Variants in C12orf75 observed in about 807,000 individuals in gnomAD.
C12orf75 encodes the protein chromosome 12 open reading frame 75.
In C12orf75, 4 loss-of-function variants were observed where a neutral mutation model predicts 11.4. The ratio of observed to expected loss-of-function variants is 0.35; its 90% CI spans 0.17 to 0.80. The LOEUF (loss-of-function observed/expected upper bound fraction) is 0.80. C12orf75 is among the 30% of genes least tolerant of loss of function. The pLI is 0.52. For missense variants in C12orf75, 89 were observed against 80.4 expected, an observed-to-expected ratio of 1.11 and a Z score of -0.41; for synonymous variants, 30 against 30.0, an observed-to-expected ratio of 1.00 and a Z score of 0.00.
At chr12:105,339,720 C>T (rs190432686) in intron 1 of C12orf75, among the ~76,000 whole-genome samples, 1 of 152,062 alleles carries the variant, frequency 6.6e-6, no homozygotes, top group East Asian at 1.9e-4. Context: ...GGGTTCATGC[C>T]TTTTTCCCGC....
chr12:105,365,777 G>A, intron 2 of C12orf75, 30 bp from the exon 3 acceptor site: 2 of 1,514,234 alleles, frequency 1.3e-6, no homozygotes, highest in African/African-American at 1.4e-5. Context: ...GTAACCAAGT[G>A]TCTCATAGCA....
chr12:105,354,473 C>T (rs1183745931), intron 2 of C12orf75, among the ~76,000 whole-genome samples: 1 of 152,140 alleles, frequency 6.6e-6, no homozygotes, highest in African/African-American at 2.4e-5. Context: ...GTGGGGAGCA[C>T]AGAGAGCTGA....
intron 1 of C12orf75, among the ~76,000 whole-genome samples, chr12:105,345,162 G>A (rs1892622664): frequency 6.6e-6 from 1 of 152,088 alleles, no homozygotes; most frequent in East Asian, 1.9e-4. Flanking sequence ...CAGACTCTTT[G>A]TAGCAGTAAG....
chr12:105,354,324 A>G (rs1206902132), intron 2 of C12orf75, among the ~76,000 whole-genome samples: 2 of 152,220 alleles, frequency 1.3e-5, no homozygotes, highest in African/African-American at 4.8e-5. Context: ...CATCATCATC[A>G]TTCTTACAGT....
chr12:105,357,511 C>T (rs774957746), intron 2 of C12orf75, among the ~76,000 whole-genome samples: 3 of 152,090 alleles, frequency 2.0e-5, no homozygotes, highest in Non-Finnish European at 4.4e-5. Flanking sequence ...TCCCAAAAGA[C>T]GTTGAAAGTG....
At position 105,330,908 on chromosome 12, in the gene C12orf75, C is replaced by A; in HGVS notation, c.17C>A (p.Ser6Tyr). Residue 6 changes from serine to tyrosine, a missense_variant, in exon 1 of 6, where the codon TCC becomes TAC. Transcript: ENST00000443585. Reference sequence around the variant, plus strand: ...GGCTGCGCGATGGGCTGCGGGAACTCCACCGCCACCAGCGCGGGCGCGGGC... The same window carrying A: ...GGCTGCGCGATGGGCTGCGGGAACTACACCGCCACCAGCGCGGGCGCGGGC... MGCGN[S>Y]TATSAGAGQG... is the part of the protein sequence containing the mutation. 1 of 1,242,570 alleles carries A rather than the reference C, an allele frequency of 8.0e-7. No individual in the cohort carries two copies. Among genetic ancestry groups the A allele is most frequent in the Non-Finnish European group, 1.0e-6 (1 of 995,650 alleles). The allele number at this position is 1,242,570 out of a possible 1,614,324, so 77.0% of individuals were successfully genotyped here. A position where few individuals can be genotyped will look rare whatever the true frequency, so the allele number is the denominator to read the frequency against.
intron 5 of C12orf75, among the ~76,000 whole-genome samples, chr12:105,369,338 T>A (rs1351879834): frequency 6.6e-6 from 1 of 152,246 alleles, no homozygotes; most frequent in Non-Finnish European, 1.5e-5. Context: ...TGTTCATGGC[T>A]GTAAATTTAT....
chr12:105,340,430 CAAAAA>C (rs60658476), intron 1 of C12orf75, among the ~76,000 whole-genome samples: 10 of 115,394 alleles, frequency 8.7e-5, no homozygotes, highest in Non-Finnish European at 5.3e-5. Context: ...GTGCCCCCGC[CAAAAA>C]AAAAAAAAAA....
At chr12:105,352,686 C>T (rs1431600850) in intron 2 of C12orf75, among the ~76,000 whole-genome samples, 2 of 151,916 alleles carry the variant, frequency 1.3e-5, no homozygotes, top group African/African-American at 4.8e-5. Context: ...AGGAACCAGG[C>T]GAGTAAGAAA....
intron 1 of C12orf75, among the ~76,000 whole-genome samples, chr12:105,333,363 G>C (rs1892460153): frequency 6.6e-6 from 1 of 152,226 alleles, no homozygotes. Flanking sequence ...TTGGGCATCA[G>C]CGTCAATTGC....
intron 2 of C12orf75, among the ~76,000 whole-genome samples, chr12:105,361,636 G>T (rs1350944122): frequency 6.6e-6 from 1 of 152,120 alleles, no homozygotes; most frequent in Non-Finnish European, 1.5e-5. Flanking sequence ...ACATGTCTGG[G>T]CCTTCCTTTT....
intron 1 of C12orf75, among the ~76,000 whole-genome samples, chr12:105,347,907 G>A (rs184801705): frequency 6.6e-5 from 10 of 152,258 alleles, no homozygotes; most frequent in East Asian, 1.9e-4. Context: ...TTAACCTGCC[G>A]TGCAGACACC....
chr12:105,333,915 T>C (rs1892468827), intron 1 of C12orf75, among the ~76,000 whole-genome samples: 1 of 152,246 alleles, frequency 6.6e-6, no homozygotes. Flanking sequence ...GTTTTACTTT[T>C]TGAGTTACTC....
intron 2 of C12orf75, among the ~76,000 whole-genome samples, chr12:105,357,700 C>G (rs1892801225): frequency 6.6e-6 from 1 of 151,876 alleles, no homozygotes; most frequent in Non-Finnish European, 1.5e-5. Context: ...CCTTGATCAC[C>G]TGTTCTTTGA....
chr12:105,331,202 C>G (rs1372333886), intron 1 of C12orf75, among the ~76,000 whole-genome samples: 3 of 151,856 alleles, frequency 2.0e-5, no homozygotes, highest in Non-Finnish European at 4.4e-5. Context: ...CTGCAGCCGC[C>G]GGGGCTCACC....
intron 2 of C12orf75, among the ~76,000 whole-genome samples, chr12:105,357,676 G>A (rs1031300442): frequency 3.9e-5 from 6 of 152,038 alleles, no homozygotes; most frequent in African/African-American, 1.2e-4. Flanking sequence ...CTTGAACCTC[G>A]ACTCATTCTT....
rs117139863 is a variant in C12orf75, at chr12:105,354,399, C to T, written c.71+5773C>T. On this transcript the variant is annotated intron_variant, in intron 2 of 5. Transcript: ENST00000443585. ...ATTTCCAGCATTTTCTGTACGTTAT[C>T]TCCTTCCATACCCATGATAATCTGA... Among the ~76,000 whole-genome samples, 67 of 152,298 alleles carry T rather than the reference C, an allele frequency of 4.4e-4. 1 individual carries two copies. In the East Asian group the frequency reaches 0.012, roughly 28 times the overall value.
intron 1 of C12orf75, 123 bp downstream of exon 1, chr12:105,331,060 G>T: frequency 1.7e-6 from 1 of 593,412 alleles, no homozygotes; most frequent in East Asian, 3.6e-5. Flanking sequence ...TTCGGGACAG[G>T]AGCAGACCGC....
At position 105,365,819 on chromosome 12, in the gene C12orf75, C is replaced by T. The variant is rs534218707; in HGVS notation, c.84C>T (p.Ser28=). ...TCTGACCTTTTAGAACAGAAGAATC[C>T]GTAACAGAAGATGACAAGAGGAGGT... The part of the protein sequence containing the change: ...AGAAKDVTEE[S]VTEDDKRRNY... The change falls in exon 3 of 6, where the codon TCC becomes TCT. Residue 28 remains serine (S), a synonymous_variant. Transcript: ENST00000443585. 32 of 1,549,116 alleles carry T rather than the reference C, an allele frequency of 2.1e-5. No homozygotes were observed. The highest frequency in any genetic ancestry group is 2.2e-5 in the Non-Finnish European group (25 of 1,144,828).
Sources: allele counts gnomAD v4.1 joint callset (sites outside exome capture counted in the v4.1 genomes callset), GRCh38; gene constraint gnomAD v4.1.1; transcripts MANE v1.5; gene names NCBI Gene and HGNC (gene_info 2026-07-23, HGNC 2026-07-21).